The following WASF2 variants were observed in gnomAD, a reference collection of about 807,000 sequenced individuals.
WASF2 encodes actin-binding protein WASF2.
In WASF2, 14 loss-of-function variants were observed where a neutral mutation model predicts 45.0. That is an observed-to-expected ratio of 0.31 (90% confidence interval 0.21 to 0.49). The LOEUF (loss-of-function observed/expected upper bound fraction) is 0.49, where lower values mean the gene tolerates loss of function less well. Ranked by LOEUF, WASF2 falls within the 20% of genes least tolerant of loss-of-function variation. The pLI, the probability that WASF2 is intolerant of heterozygous loss-of-function variation, is 0.99. For missense variants in WASF2, 439 were observed against 636.1 expected, an observed-to-expected ratio of 0.69 and a Z score of 3.33; for synonymous variants, 200 against 236.3, an observed-to-expected ratio of 0.85 and a Z score of 1.41.
chr1:27,468,495 G>T (rs948862162), intron 1 of WASF2, among the ~76,000 whole-genome samples: 1 of 151,248 alleles, frequency 6.6e-6, no homozygotes, highest in Non-Finnish European at 1.5e-5. Context: ...ACAAAAATTA[G>T]CTGGTCGTGG....
chr1:27,479,178 C>T (rs1021181598), intron 1 of WASF2, among the ~76,000 whole-genome samples: 3 of 151,484 alleles, frequency 2.0e-5, no homozygotes, highest in East Asian at 2.0e-4. Flanking sequence ...CCCAGCTACT[C>T]GGGAGGCTGA....
At chr1:27,462,215 A>T (rs2017555595) in intron 1 of WASF2, among the ~76,000 whole-genome samples, 1 of 150,996 alleles carries the variant, frequency 6.6e-6, no homozygotes, top group South Asian at 2.1e-4. Context: ...TGACCTCGTG[A>T]TCTGCCCACC....
intron 1 of WASF2, among the ~76,000 whole-genome samples, chr1:27,488,948 T>G (rs1185203697): frequency 6.6e-6 from 1 of 152,148 alleles, no homozygotes; most frequent in African/African-American, 2.4e-5. Flanking sequence ...AATAAGAACA[T>G]ATGCCTAAGC....
rs1364088252 is a variant in WASF2 at position 27,418,377 on chromosome 1, G to A, written c.311C>T (p.Thr104Ile). ...GTCAAAAAGCTTCTGGTCTTGAATG[G>A]TGGAACTTCTGAAGGCTTTTCGGGT... Reference protein sequence around the residue: ...INTRKAFRSSTIQDQKLFDRN... With the variant: ...INTRKAFRSSIIQDQKLFDRN... Residue 104 changes from threonine to isoleucine, a missense_variant, in exon 4 of 9, where the codon ACC becomes ATC. Transcript: ENST00000618852. 1 of 1,614,240 alleles carries A rather than the reference G, an allele frequency of 6.2e-7. No individual in the cohort carries two copies. Among genetic ancestry groups the A allele is most frequent in the South Asian group, 1.1e-5 (1 of 91,090 alleles).
In WASF2 at chr1:27,439,855, C is replaced by T. The variant is rs1317001692; in HGVS notation, c.-43-10922G>A. 3.9e-5 allele frequency among the ~76,000 whole-genome samples: 6 copies of T among 151,994 alleles called. No homozygotes were observed. In the East Asian group the frequency reaches 9.7e-4, roughly 25 times the overall value. On this transcript the variant is annotated intron_variant, in intron 1 of 8. Transcript: ENST00000618852. ...CTCTACAAAAAAAATTAAAAGTTAG[C>T]CAGGTGTAGTGGTACACACCTGTAG...
chr1:27,442,832 C>A (rs2148120279), intron 1 of WASF2, among the ~76,000 whole-genome samples: 1 of 151,878 alleles, frequency 6.6e-6, no homozygotes, highest in East Asian at 1.9e-4. Flanking sequence ...GAAACCCCGT[C>A]TCTACTAAAA....
intron 1 of WASF2, among the ~76,000 whole-genome samples, chr1:27,466,295 A>G (rs2017610551): frequency 6.6e-6 from 1 of 152,214 alleles, no homozygotes; most frequent in Non-Finnish European, 1.5e-5. Context: ...ATCATTTTTC[A>G]CACATTTAAT....
chr1:27,456,733 C>CTTTT (rs568890517), intron 1 of WASF2, among the ~76,000 whole-genome samples: 3 of 132,168 alleles, frequency 2.3e-5, no homozygotes, highest in Admixed American at 7.7e-5. Flanking sequence ...AAGGTTTTCT[C>CTTTT]TTTTTTTTTT....
intron 1 of WASF2, among the ~76,000 whole-genome samples, chr1:27,469,888 G>A (rs1376685291): frequency 6.6e-6 from 1 of 152,030 alleles, no homozygotes; most frequent in Non-Finnish European, 1.5e-5. Context: ...AGGTTGCAGT[G>A]AGCAGAGATC....
Position 27,416,085 on chromosome 1 carries a change from G to C in WASF2, c.437C>G (p.Ala146Gly). 1 of 1,613,992 alleles carries C rather than the reference G, an allele frequency of 6.2e-7. No individual in the cohort carries two copies. The change falls in exon 5 of 9, where the codon GCA (alanine) becomes GGA (glycine). Residue 146 changes from alanine (A) to glycine (G), a missense_variant. By Grantham distance (60) the Ala-to-Gly change is moderately conservative. Transcript: ENST00000618852. The part of the protein sequence containing the change: ...LTPYRDDGKE[A>G]LKFYTDPSYF... ...TGAAGGGTCTGTGTAGAATTTGAGTGCCTCTTTTCCATCGTCCCTGGGATA... is the reference window on the plus strand; with the variant it reads ...TGAAGGGTCTGTGTAGAATTTGAGTCCCTCTTTTCCATCGTCCCTGGGATA...
intron 1 of WASF2, among the ~76,000 whole-genome samples, chr1:27,485,409 C>A (rs2148147510): frequency 6.6e-6 from 1 of 151,458 alleles, no homozygotes; most frequent in South Asian, 2.1e-4. Context: ...TTTCGAGAGC[C>A]CATCTCTACT....
At chr1:27,468,270 G>C (rs527965984) in intron 1 of WASF2, among the ~76,000 whole-genome samples, 120 of 152,092 alleles carry the variant, frequency 7.9e-4, no homozygotes, top group Middle Eastern at 3.4e-3. Flanking sequence ...AATTCAACTA[G>C]CAAAGTCCAG....
intron 1 of WASF2, among the ~76,000 whole-genome samples, chr1:27,487,630 ATATATAATATATATTATATAT>A (rs1487213910): frequency 9.8e-4 from 88 of 89,486 alleles, no homozygotes; most frequent in Middle Eastern, 0.01. Flanking sequence ...ATTTTATACA[ATATATAATATATATTATATAT>A]TATATAATAT....
intron 2 of WASF2, among the ~76,000 whole-genome samples, chr1:27,425,747 G>A (rs966479998): frequency 4.0e-5 from 6 of 149,936 alleles, no homozygotes; most frequent in African/African-American, 9.8e-5. Flanking sequence ...GCTGAGGCAG[G>A]AGAATGGCGT....
At chr1:27,470,880 G>C (rs2017678475) in intron 1 of WASF2, among the ~76,000 whole-genome samples, 1 of 152,164 alleles carries the variant, frequency 6.6e-6, no homozygotes, top group Non-Finnish European at 1.5e-5. Flanking sequence ...GCAAGGAGGA[G>C]ACAACCTGTA....
intron 1 of WASF2, among the ~76,000 whole-genome samples, chr1:27,484,027 T>C (rs1276042684): frequency 1.3e-5 from 2 of 152,138 alleles, no homozygotes; most frequent in East Asian, 1.9e-4. Flanking sequence ...CAACTCTTGA[T>C]ACAGTTTCTT....
chr1:27,433,179 G>C (rs1452144734), intron 1 of WASF2, among the ~76,000 whole-genome samples: 1 of 152,194 alleles, frequency 6.6e-6, no homozygotes, highest in Non-Finnish European at 1.5e-5. Flanking sequence ...AATTTGGCAG[G>C]TTTTTCCTGG....
chr1:27,416,130 G>A (rs1466009916), intron 4 of WASF2, 28 bp from the exon 5 acceptor site: 25 of 1,593,112 alleles, frequency 1.6e-5, no homozygotes, highest in Non-Finnish European at 2.0e-5. Flanking sequence ...ACAAGTAGCT[G>A]TCAGTAGACA....
At chr1:27,409,146 C>A (rs918449658) in intron 8 of WASF2, among the ~76,000 whole-genome samples, 1 of 152,110 alleles carries the variant, frequency 6.6e-6, no homozygotes. Flanking sequence ...TTACTTTGGC[C>A]GGGCGCGGTG....
Sources: allele counts gnomAD v4.1 joint callset (sites outside exome capture counted in the v4.1 genomes callset), GRCh38; gene constraint gnomAD v4.1.1; transcripts MANE v1.5; gene names NCBI Gene and HGNC (gene_info 2026-07-23, HGNC 2026-07-21).